The following KLF12 variants were observed in gnomAD, a reference collection of about 807,000 sequenced individuals.
KLF12 encodes Krueppel-like factor 12.
Under a neutral mutation model 37.8 loss-of-function variants are expected in KLF12, and 9 were observed. That is an observed-to-expected ratio of 0.24 (90% CI 0.14 to 0.42). The LOEUF (loss-of-function observed/expected upper bound fraction) is 0.42, where lower values mean the gene tolerates loss of function less well. KLF12 is among the 10% of genes least tolerant of loss of function. KLF12 has a pLI of 1.00. For synonymous variants in KLF12, 208 were observed against 202.1 expected (o/e 1.03, Z -0.25); for missense variants, 411 against 516.0 (o/e 0.80, Z 1.97).
At chr13:73,998,901 A>G (rs1892195714) in intron 1 of KLF12, among the ~76,000 whole-genome samples, 1 of 152,260 alleles carries the variant, frequency 6.6e-6, no homozygotes, top group Non-Finnish European at 1.5e-5. Flanking sequence ...AAAAGTAGCT[A>G]AAGACACAAA....
At chr13:73,835,802 A>T (rs1884399609) in intron 4 of KLF12, among the ~76,000 whole-genome samples, 1 of 152,194 alleles carries the variant, frequency 6.6e-6, no homozygotes, top group Non-Finnish European at 1.5e-5. Flanking sequence ...ACACTCTCAG[A>T]TACTTTTCAA....
chr13:74,185,974 G>A, the KLF12 span, among the ~76,000 whole-genome samples: 1 of 152,082 alleles, frequency 6.6e-6, no homozygotes, highest in African/African-American at 2.4e-5. Flanking sequence ...TAGGTCACTT[G>A]GAAGTCTTTA....
In KLF12 at chr13:73,969,817, T is replaced by C. The variant is rs556784216; in HGVS notation, c.33+25173A>G. On this transcript the variant is annotated intron_variant, in intron 2 of 7. Transcript: ENST00000377669. ...AAGGCCATTCTCAAAATCTTCTTCATAGGGCTACCATCAAACCTTCCTCTT... is the reference window on the plus strand; with the variant it reads ...AAGGCCATTCTCAAAATCTTCTTCACAGGGCTACCATCAAACCTTCCTCTT... Among the ~76,000 whole-genome samples the C allele has an allele frequency of 1.2e-4, 19 of 152,348 alleles. 1 individual carries two copies. The South Asian group carries it at 3.7e-3, about 30-fold the overall frequency.
At chr13:73,930,860 A>ATTTTTTTTTTTTTT in intron 3 of KLF12, among the ~76,000 whole-genome samples, 1 of 109,468 alleles carries the variant, frequency 9.1e-6, no homozygotes, top group Non-Finnish European at 1.7e-5. Context: ...AACTGGAAAC[A>ATTTTTTTTTTTTTT]TTTTTTTTTT....
chr13:74,255,342 T>G, the KLF12 span, among the ~76,000 whole-genome samples: 41 of 152,292 alleles, frequency 2.7e-4, no homozygotes, highest in African/African-American at 9.6e-4. Context: ...CCAGAGTGCA[T>G]TTTTAGGATT....
intron 1 of KLF12, among the ~76,000 whole-genome samples, chr13:74,044,848 A>G (rs1893498910): frequency 6.6e-6 from 1 of 151,792 alleles, no homozygotes; most frequent in African/African-American, 2.4e-5. Context: ...CCATCTCAAA[A>G]ACAGAAAGTC....
chr13:74,260,642 C>A, the KLF12 span, among the ~76,000 whole-genome samples: 1 of 143,912 alleles, frequency 6.9e-6, no homozygotes, highest in African/African-American at 2.6e-5. Flanking sequence ...GAATTAATTG[C>A]TGGAGAGGTA....
At chr13:73,855,149 A>G (rs1264875933) in intron 3 of KLF12, among the ~76,000 whole-genome samples, 1 of 152,176 alleles carries the variant, frequency 6.6e-6, no homozygotes, top group Non-Finnish European at 1.5e-5. Flanking sequence ...GGTTTGTTAT[A>G]TGGGTATATT....
At chr13:74,230,243 C>A in the KLF12 span, among the ~76,000 whole-genome samples, 9 of 152,146 alleles carry the variant, frequency 5.9e-5, no homozygotes, top group Non-Finnish European at 1.3e-4. Flanking sequence ...ACTTGACTTT[C>A]ATTCTTCTCC....
At chr13:74,295,097 C>T in the KLF12 span, among the ~76,000 whole-genome samples, 1 of 152,168 alleles carries the variant, frequency 6.6e-6, no homozygotes, top group Non-Finnish European at 1.5e-5. Context: ...GCACACTTTC[C>T]TTATCTGCAA....
chr13:74,053,524 G>A (rs1873053981), intron 1 of KLF12, among the ~76,000 whole-genome samples: 1 of 152,226 alleles, frequency 6.6e-6, no homozygotes, highest in East Asian at 1.9e-4. Flanking sequence ...CTAAAGTATA[G>A]AGAAGTTAAA....
chr13:74,119,241 A>G lies in KLF12; in HGVS notation c.-32+14498T>C, dbSNP rs376517162. The stretch of plus-strand genomic sequence containing the variant: ...CCAGATACTTGGGAGGCTGAGGCAG[A>G]GAATCACTTGAACTTGGGAGGCGGA... On this transcript the variant is annotated intron_variant, in intron 1 of 7. Coordinates refer to ENST00000377669, the MANE Select transcript of KLF12 (RefSeq NM_007249.5). Among the ~76,000 whole-genome samples, 182 of 152,124 alleles carry G rather than the reference A, an allele frequency of 1.2e-3. 2 individuals carry two copies. The highest frequency in any genetic ancestry group is 7.3e-3 in the South Asian group (35 of 4,814).
intron 1 of KLF12, among the ~76,000 whole-genome samples, chr13:74,111,683 TAGAACA>T (rs1876980657): frequency 6.6e-6 from 1 of 151,360 alleles, no homozygotes; most frequent in African/African-American, 2.4e-5. Context: ...AAAAATTCAA[TAGAACA>T]TCTCACATTG....
At chr13:73,822,788 A>G (rs1316238270) in intron 4 of KLF12, among the ~76,000 whole-genome samples, 1 of 152,158 alleles carries the variant, frequency 6.6e-6, no homozygotes, top group Non-Finnish European at 1.5e-5. Context: ...TCCATTAATA[A>G]GTAGGTTTTT....
intron 7 of KLF12, among the ~76,000 whole-genome samples, chr13:73,701,284 T>C (rs1430557307): frequency 6.6e-5 from 10 of 152,246 alleles, no homozygotes; most frequent in Admixed American, 4.6e-4. Flanking sequence ...TTAGAAATAA[T>C]GCATTTCCCC....
chr13:73,754,995 A>AT (rs1879044867), intron 6 of KLF12, among the ~76,000 whole-genome samples: 3 of 152,334 alleles, frequency 2.0e-5, no homozygotes, highest in Admixed American at 2.0e-4. Flanking sequence ...TTTCACAAAT[A>AT]AATGCCTTAT....
chr13:73,785,976 C>T (rs2138229551), intron 5 of KLF12, among the ~76,000 whole-genome samples: 1 of 152,238 alleles, frequency 6.6e-6, no homozygotes, highest in East Asian at 1.9e-4. Context: ...ACCTACATTT[C>T]CCAGAGGCCT....
At chr13:73,951,024 T>C (rs1465019569) in intron 2 of KLF12, among the ~76,000 whole-genome samples, 1 of 152,188 alleles carries the variant, frequency 6.6e-6, no homozygotes, top group African/African-American at 2.4e-5. Context: ...CCAGGCACCA[T>C]GAGCCTGGGC....
chr13:73,979,340 A>G (rs1474259313), intron 2 of KLF12, among the ~76,000 whole-genome samples: 2 of 142,254 alleles, frequency 1.4e-5, no homozygotes, highest in African/African-American at 2.7e-5. Context: ...TCTTTTAAAA[A>G]CAGTCTGCTT....
Sources: gnomAD v4.1 joint callset for allele counts (sites outside exome capture counted in the v4.1 genomes callset) on GRCh38, gnomAD v4.1.1 for gene constraint, MANE v1.5 for transcripts, NCBI Gene and HGNC (gene_info 2026-07-23, HGNC 2026-07-21) for gene names.